ALG9: variants seen among roughly 807,000 people sequenced by gnomAD.
ALG9 encodes alpha-1,2-mannosyltransferase ALG9.
Under a neutral mutation model 81.8 loss-of-function variants are expected in ALG9, and 55 were observed. That is an observed-to-expected ratio of 0.67 (90% CI 0.54 to 0.84). The LOEUF (loss-of-function observed/expected upper bound fraction) is 0.84. Among genes scored for constraint, ALG9 ranks in the 40% least tolerant of loss-of-function variants. ALG9 has a pLI of 0.00. For synonymous variants in ALG9, 278 were observed against 274.3 expected (o/e 1.01, Z -0.13); for missense variants, 629 against 745.0 (o/e 0.84, Z 1.81).
chr11:111,819,348 G>T lies in ALG9; in HGVS notation c.1603-9575C>A, dbSNP rs141371533. ...GTAGCTGTAAAAATAGAGATCTCTG[G>T]CAAGGGCCAACATGAGGTTCAGGGA... On this transcript the variant is annotated intron_variant, in intron 13 of 14. Transcript: ENST00000616540. Among the ~76,000 whole-genome samples the T allele has an allele frequency of 9.2e-5, 14 of 152,308 alleles. No individual in the cohort carries two copies. In the East Asian group the frequency reaches 2.7e-3, roughly 29 times the overall value.
intron 14 of ALG9, among the ~76,000 whole-genome samples, chr11:111,800,586 G>T (rs1555079609): frequency 6.6e-6 from 1 of 150,990 alleles, no homozygotes; most frequent in Non-Finnish European, 1.5e-5. Context: ...CTAACCAGCT[G>T]ACTTAAGAAC....
At chr11:111,853,267 A>G (rs558831420) in intron 8 of ALG9, 113 bp downstream of exon 8, 4 of 772,430 alleles carry the variant, frequency 5.2e-6, no homozygotes, top group East Asian at 2.7e-5. Context: ...GGAAAAGATA[A>G]TATCAGCCAA....
chr11:111,864,579 C>A, intron 4 of ALG9: 1 of 534,704 alleles, frequency 1.9e-6, no homozygotes, highest in East Asian at 3.2e-5. Flanking sequence ...CTGTAATATA[C>A]GAACTTCTAG....
At chr11:111,818,988 G>C (rs1555100619) in intron 13 of ALG9, among the ~76,000 whole-genome samples, 1 of 152,302 alleles carries the variant, frequency 6.6e-6, no homozygotes, top group South Asian at 2.1e-4. Flanking sequence ...AGGATGAAGG[G>C]AACCAGAAGA....
the ALG9 span, among the ~76,000 whole-genome samples, chr11:111,774,959 GA>G: frequency 6.6e-6 from 1 of 151,402 alleles, no homozygotes; most frequent in Admixed American, 6.6e-5. Flanking sequence ...TTTTTTAAAA[GA>G]AAAAAAATAA....
At chr11:111,865,333 T>C (rs1456196249) in intron 3 of ALG9, 82 bp from the exon 4 acceptor site, 2 of 1,017,314 alleles carry the variant, frequency 2.0e-6, no homozygotes, top group East Asian at 2.7e-5. Context: ...TCTCATTTAT[T>C]GTCAATAACA....
chr11:111,819,195 C>T (rs1452310395), intron 13 of ALG9, among the ~76,000 whole-genome samples: 5 of 152,200 alleles, frequency 3.3e-5, no homozygotes, highest in African/African-American at 1.2e-4. Flanking sequence ...AATAGTCCAA[C>T]CTCCTATTCT....
chr11:111,835,752 AT>A (rs1362942785), intron 13 of ALG9, among the ~76,000 whole-genome samples: 1 of 152,162 alleles, frequency 6.6e-6, no homozygotes, highest in African/African-American at 2.4e-5. Context: ...ATCCTAAAAA[AT>A]ATCCGGTTTT....
intron 4 of ALG9, among the ~76,000 whole-genome samples, chr11:111,861,036 A>G (rs1959900190): frequency 1.3e-5 from 2 of 152,240 alleles, no homozygotes; most frequent in South Asian, 4.1e-4. Flanking sequence ...ATAATAATAC[A>G]AACTTTGTAA....
chr11:111,870,976 G>A, intron 1 of ALG9: 2 of 1,020,416 alleles, frequency 2.0e-6, no homozygotes, highest in Non-Finnish European at 2.3e-6. Flanking sequence ...GGTGATGGCG[G>A]GTTGGATGGG....
intron 13 of ALG9, among the ~76,000 whole-genome samples, chr11:111,821,182 T>C (rs1555103309): frequency 1.3e-5 from 2 of 152,240 alleles, no homozygotes; most frequent in South Asian, 2.1e-4. Flanking sequence ...ATTTTTTTCC[T>C]ATAAGGTCCT....
the ALG9 span, among the ~76,000 whole-genome samples, chr11:111,771,567 C>G: frequency 1.3e-5 from 2 of 152,118 alleles, no homozygotes; most frequent in African/African-American, 2.4e-5. Context: ...TGTGAGAAGG[C>G]CAAGTGTAGG....
intron 13 of ALG9, among the ~76,000 whole-genome samples, chr11:111,827,670 C>A (rs1953589480): frequency 6.6e-6 from 1 of 151,614 alleles, no homozygotes; most frequent in South Asian, 2.1e-4. Flanking sequence ...AGTTCGAGAC[C>A]AGGCTGGCCA....
intron 14 of ALG9, among the ~76,000 whole-genome samples, chr11:111,790,036 T>TA (rs1555069050): frequency 6.6e-6 from 1 of 151,606 alleles, no homozygotes; most frequent in Non-Finnish European, 1.5e-5. Flanking sequence ...AGAATAATAA[T>TA]AAAAAAACTA....
At chr11:111,791,144 TCAAA>T (rs1854048177) in intron 14 of ALG9, among the ~76,000 whole-genome samples, 1 of 152,140 alleles carries the variant, frequency 6.6e-6, no homozygotes, top group African/African-American at 2.4e-5. Context: ...CAAAAAGCAA[TCAAA>T]CAAAAAAATC....
Position 111,809,731 on chromosome 11 carries a change from T to G in ALG9, c.1645A>C (p.Met549Leu). ...KCHYLVDLDTMRETPREPKYS... is the reference protein window; with the variant it reads ...KCHYLVDLDTLRETPREPKYS... ...TTTGGCTCCCGGGGTGTTTCTCTCATGGTGTCCAAATCCACTAAATAATGG... is the reference window on the plus strand; with the variant it reads ...TTTGGCTCCCGGGGTGTTTCTCTCAGGGTGTCCAAATCCACTAAATAATGG... Residue 549 changes from methionine (M) to leucine (L), a missense_variant, in exon 14 of 15, where the codon ATG (methionine) becomes CTG (leucine). Met to Leu is a conservative substitution (Grantham distance 15, BLOSUM62 2). This residue lies in a region of ALG9 where 264 missense variants were observed against 302.2 expected (regional missense o/e 0.87). Coordinates refer to ENST00000616540, the MANE Select transcript of ALG9 (RefSeq NM_024740.2). 1 of 1,614,128 alleles carries G rather than the reference T, an allele frequency of 6.2e-7. No individual in the cohort carries two copies. The highest frequency in any genetic ancestry group is 8.5e-7 in the Non-Finnish European group (1 of 1,179,986).
chr11:111,843,012 T>A (rs185037988), intron 9 of ALG9, among the ~76,000 whole-genome samples: 1 of 152,318 alleles, frequency 6.6e-6, no homozygotes, highest in East Asian at 1.9e-4. Context: ...CTCGAACTCC[T>A]GGGCTCAAGC....
chr11:111,794,064 C>T (rs1947870283), intron 14 of ALG9, among the ~76,000 whole-genome samples: 1 of 152,218 alleles, frequency 6.6e-6, no homozygotes, highest in Admixed American at 6.5e-5. Flanking sequence ...AAGCAATTGC[C>T]TGCACAGCAT....
At chr11:111,808,604 C>T (rs1555087693) in intron 14 of ALG9, among the ~76,000 whole-genome samples, 6 of 152,212 alleles carry the variant, frequency 3.9e-5, no homozygotes, top group Non-Finnish European at 8.8e-5. Flanking sequence ...CAGGCTTACA[C>T]CTAGTACCTG....
Sources: allele counts gnomAD v4.1 joint callset (sites outside exome capture counted in the v4.1 genomes callset), GRCh38; gene constraint gnomAD v4.1.1; regional missense constraint gnomAD v4.1.1; transcripts MANE v1.5; gene names NCBI Gene and HGNC (gene_info 2026-07-23, HGNC 2026-07-21).